The following MARCHF1 variants were observed in gnomAD, a reference collection of about 807,000 sequenced individuals.
The protein encoded by MARCHF1 is membrane associated ring-CH-type finger 1.
MARCHF1 carries 40 observed loss-of-function variants against 54.2 expected under a neutral mutation model. The observed-to-expected ratio is 0.74, with a 90% CI of 0.57 to 0.96. The LOEUF (loss-of-function observed/expected upper bound fraction) is 0.96. MARCHF1 is among the 40% of genes least tolerant of loss of function. MARCHF1 has a pLI of 0.00. For missense variants in MARCHF1, 586 were observed against 656.5 expected, an observed-to-expected ratio of 0.89 and a Z score of 1.17; for synonymous variants, 236 against 236.3, an observed-to-expected ratio of 1.00 and a Z score of 0.01.
chr4:163,768,442 A>T (rs1725982765), intron 4 of MARCHF1, among the ~76,000 whole-genome samples: 1 of 152,240 alleles, frequency 6.6e-6, no homozygotes, highest in African/African-American at 2.4e-5. Flanking sequence ...ATAGAATTTA[A>T]ATTAGTTAGA....
chr4:163,663,311 C>T (rs936266921), intron 5 of MARCHF1, among the ~76,000 whole-genome samples: 1 of 151,248 alleles, frequency 6.6e-6, no homozygotes, highest in African/African-American at 2.4e-5. Context: ...TGGGCACTGA[C>T]ACCCTTGCCA....
chr4:163,901,635 A>G (rs1560811363), intron 3 of MARCHF1, among the ~76,000 whole-genome samples: 2 of 152,192 alleles, frequency 1.3e-5, no homozygotes, highest in Admixed American at 1.3e-4. Context: ...AAAAGCATAG[A>G]CTGACAAATG....
intron 7 of MARCHF1, among the ~76,000 whole-genome samples, chr4:163,595,067 T>C (rs1271939233): frequency 6.6e-6 from 1 of 150,846 alleles, no homozygotes; most frequent in East Asian, 2.0e-4. Flanking sequence ...AACTTATCAA[T>C]AGAGAAAGAA....
At chr4:163,710,692 G>A (rs754697671) in intron 4 of MARCHF1, among the ~76,000 whole-genome samples, 1 of 151,878 alleles carries the variant, frequency 6.6e-6, no homozygotes, top group African/African-American at 2.4e-5. Flanking sequence ...TGGGTGAAAA[G>A]AAAAATAATA....
At chr4:164,274,908 C>G (rs1281044403) in intron 1 of MARCHF1, among the ~76,000 whole-genome samples, 2 of 150,802 alleles carry the variant, frequency 1.3e-5, no homozygotes, top group Non-Finnish European at 3.0e-5. Context: ...GATCTCCTGA[C>G]CTCGTGATCC....
chr4:163,750,613 A>T (rs1746494872), intron 4 of MARCHF1, among the ~76,000 whole-genome samples: 1 of 152,174 alleles, frequency 6.6e-6, no homozygotes. Context: ...GTTATTCCAA[A>T]CTTATATGGG....
chr4:164,189,201 C>G, intron 1 of MARCHF1: 1 of 560,988 alleles, frequency 1.8e-6, no homozygotes, highest in Non-Finnish European at 3.3e-6. Flanking sequence ...AGAAGACTGA[C>G]AAAGATGTCA....
At chr4:164,256,801 C>G (rs17044813) in intron 1 of MARCHF1, among the ~76,000 whole-genome samples, 2,871 of 152,274 alleles carry the variant, frequency 0.019, 90 homozygotes, top group African/African-American at 0.065. Flanking sequence ...ACGGCATATA[C>G]TTACAGCCGG....
chr4:164,360,060 C>T (rs1254259856), intron 1 of MARCHF1, among the ~76,000 whole-genome samples: 3 of 152,020 alleles, frequency 2.0e-5, no homozygotes, highest in Non-Finnish European at 4.4e-5. Context: ...GTATTGCACA[C>T]CTATTATAGC....
intron 2 of MARCHF1, among the ~76,000 whole-genome samples, chr4:164,086,747 C>T (rs528413694): frequency 2.6e-5 from 4 of 151,916 alleles, no homozygotes; most frequent in Admixed American, 6.6e-5. Flanking sequence ...TCAGTTATTC[C>T]GAAGAACTCA....
intron 3 of MARCHF1, among the ~76,000 whole-genome samples, chr4:163,882,766 C>T (rs1339995667): frequency 2.0e-5 from 3 of 152,002 alleles, no homozygotes; most frequent in South Asian, 2.1e-4. Flanking sequence ...CCTAGGAGTT[C>T]GAGACTAGCC....
chr4:163,933,994 G>A (rs1751737212), intron 3 of MARCHF1, among the ~76,000 whole-genome samples: 1 of 152,184 alleles, frequency 6.6e-6, no homozygotes, highest in Non-Finnish European at 1.5e-5. Context: ...TACAAGCATT[G>A]CTTTTGGGAA....
chr4:164,103,221 A>G (rs1755612200), intron 2 of MARCHF1, among the ~76,000 whole-genome samples: 1 of 73,400 alleles, frequency 1.4e-5, no homozygotes, highest in African/African-American at 4.3e-5. Flanking sequence ...CAGAAAGTCA[A>G]CAAGGATACC....
At chr4:164,197,564 T>G in intron 1 of MARCHF1, 1 of 1,613,338 alleles carries the variant, frequency 6.2e-7, no homozygotes, top group Non-Finnish European at 8.5e-7. Context: ...CCTCCGTTGA[T>G]TTTACTTAAG....
intron 1 of MARCHF1, among the ~76,000 whole-genome samples, chr4:164,144,135 T>C (rs1239706663): frequency 1.3e-5 from 2 of 151,568 alleles, no homozygotes; most frequent in African/African-American, 2.4e-5. Flanking sequence ...CCTAAATATA[T>C]ATGCACCCAA....
intron 3 of MARCHF1, among the ~76,000 whole-genome samples, chr4:163,958,744 A>G (rs1352892177): frequency 1.3e-5 from 2 of 151,994 alleles, no homozygotes; most frequent in Admixed American, 6.6e-5. Context: ...AGGTAAAATT[A>G]TTGTAAAAGA....
intron 1 of MARCHF1, among the ~76,000 whole-genome samples, chr4:164,222,036 G>C (rs556241141): frequency 6.6e-6 from 1 of 151,894 alleles, no homozygotes; most frequent in Admixed American, 6.6e-5. Flanking sequence ...GTTACATCTG[G>C]TGCCTGCCAA....
intron 4 of MARCHF1, among the ~76,000 whole-genome samples, chr4:163,715,250 CTTTAT>C (rs1579219535): frequency 6.6e-6 from 1 of 151,984 alleles, no homozygotes; most frequent in African/African-American, 2.4e-5. Flanking sequence ...TTTTATTTTA[CTTTAT>C]TTTATTTTGA....
intron 1 of MARCHF1, among the ~76,000 whole-genome samples, chr4:164,295,622 G>C (rs1025171570): frequency 6.6e-6 from 1 of 152,134 alleles, no homozygotes; most frequent in Non-Finnish European, 1.5e-5. Flanking sequence ...AATTAAAGTA[G>C]AACTATTAAA....
Sources: allele counts gnomAD v4.1 joint callset (sites outside exome capture counted in the v4.1 genomes callset), GRCh38; gene constraint gnomAD v4.1.1; transcripts MANE v1.5; gene names NCBI Gene and HGNC (gene_info 2026-07-23, HGNC 2026-07-21).